Variants in GDA observed in about 807,000 individuals in gnomAD.
GDA encodes the protein guanine deaminase.
GDA carries 18 observed loss-of-function variants against 59.6 expected under a neutral mutation model. The ratio of observed to expected loss-of-function variants is 0.30; its 90% CI spans 0.21 to 0.45. GDA has a LOEUF of 0.45. Among genes scored for constraint, GDA ranks in the 20% least tolerant of loss-of-function variants. The pLI, the probability that GDA is intolerant of heterozygous loss-of-function variation, is 1.00. For missense variants in GDA, 427 were observed against 552.3 expected, an observed-to-expected ratio of 0.77 and a Z score of 2.27; for synonymous variants, 201 against 201.1, an observed-to-expected ratio of 1.00 and a Z score of 0.00.
intron 3 of GDA, among the ~76,000 whole-genome samples, chr9:72,209,399 C>A (rs1044939477): frequency 1.3e-5 from 2 of 152,108 alleles, no homozygotes; most frequent in Non-Finnish European, 2.9e-5. Context: ...TACAACCCTC[C>A]TACTGGCTTC....
intron 1 of GDA, among the ~76,000 whole-genome samples, chr9:72,169,611 A>C (rs1487159161): frequency 1.3e-5 from 2 of 152,326 alleles, no homozygotes; most frequent in South Asian, 2.1e-4. Context: ...TTGTAAATCA[A>C]ACTGTGGACT....
intron 3 of GDA, among the ~76,000 whole-genome samples, chr9:72,210,396 A>G (rs905959584): frequency 1.3e-5 from 2 of 152,220 alleles, no homozygotes; most frequent in African/African-American, 2.4e-5. Flanking sequence ...AAATTTGGAT[A>G]TCCTTAAACA....
At chr9:72,245,043 T>G in intron 11 of GDA, 105 bp from the exon 12 acceptor site, 1 of 988,998 alleles carries the variant, frequency 1.0e-6, no homozygotes, top group South Asian at 1.6e-5. Flanking sequence ...CTAATTTTTT[T>G]TTTTCTCCTA....
intron 3 of GDA, 85 bp from the exon 4 acceptor site, chr9:72,210,602 A>T (rs1835230987): frequency 1.3e-6 from 1 of 756,428 alleles, no homozygotes; most frequent in East Asian, 2.6e-5. Flanking sequence ...TTTAAAATTA[A>T]AAACTAAAAT....
At chr9:72,203,351 G>A (rs1405262938) in intron 3 of GDA, among the ~76,000 whole-genome samples, 2 of 152,174 alleles carry the variant, frequency 1.3e-5, no homozygotes, top group Non-Finnish European at 2.9e-5. Context: ...AGGAAAATAG[G>A]ATGGTCCCAT....
rs1840614824 is a variant in GDA at position 72,250,898 on chromosome 9, A to G, written c.*2556A>G. 2.1e-6 allele frequency: 3 copies of G among 1,444,872 alleles called. No individual in the cohort carries two copies. In the African/African-American group the frequency reaches 4.2e-5, roughly 20 times the overall value. 89.5% of individuals were successfully genotyped at this position (1,444,872 alleles called of 1,614,324 possible). A position where few individuals can be genotyped will look rare whatever the true frequency, so the allele number is the denominator to read the frequency against. On this transcript the variant is annotated 3_prime_UTR_variant, in exon 14 of 14. Coordinates refer to ENST00000358399, the MANE Select transcript of GDA (RefSeq NM_004293.5). ...AAATTCACAAAATATTTTTGCAACC[A>G]GAACACAAAAGCAGGCTAGTCAGCT...
At chr9:72,176,935 A>G (rs1056914429) in intron 1 of GDA, among the ~76,000 whole-genome samples, 1 of 152,062 alleles carries the variant, frequency 6.6e-6, no homozygotes, top group Non-Finnish European at 1.5e-5. Context: ...AAAACACACT[A>G]CTAATTCTGT....
At chr9:72,218,600 G>T (rs1836452080) in intron 5 of GDA, among the ~76,000 whole-genome samples, 1 of 152,162 alleles carries the variant, frequency 6.6e-6, no homozygotes, top group African/African-American at 2.4e-5. Flanking sequence ...CATCCCTGCA[G>T]GCATAAACTG....
chr9:72,245,250 A>G lies in GDA; in HGVS notation c.1238A>G (p.Tyr413Cys). The stretch of plus-strand genomic sequence containing the variant: ...TCCGACTCTCCCATTGACCTGTTTT[A>G]TGGGGACTTTTTTGGTGATATTTCT... Reference protein sequence around the residue: ...KASDSPIDLFYGDFFGDISEA... With the variant: ...KASDSPIDLFCGDFFGDISEA... Residue 413 changes from tyrosine to cysteine, a missense_variant, in exon 12 of 14, where the codon TAT becomes TGT. Transcript: ENST00000358399. The G allele has an allele frequency of 1.9e-6, 3 of 1,611,734 alleles. No individual in the cohort carries two copies. Among genetic ancestry groups the G allele is most frequent in the Non-Finnish European group, 1.7e-6 (2 of 1,177,886 alleles).
At chr9:72,236,818 C>T (rs1198125284) in intron 10 of GDA, among the ~76,000 whole-genome samples, 1 of 139,100 alleles carries the variant, frequency 7.2e-6, no homozygotes, top group Non-Finnish European at 1.5e-5. Context: ...ATCATTCTGT[C>T]TCCCAAGCTG....
At chr9:72,225,888 T>G in intron 8 of GDA, 104 bp downstream of exon 8, 1 of 581,574 alleles carries the variant, frequency 1.7e-6, no homozygotes. Context: ...ATACATTTCT[T>G]TAAAAATTTT....
chr9:72,227,341 A>ATGT (rs1385086748), intron 8 of GDA, among the ~76,000 whole-genome samples: 2 of 152,236 alleles, frequency 1.3e-5, no homozygotes, highest in African/African-American at 4.8e-5. Context: ...TGATTATAAG[A>ATGT]TGTTAAATTT....
chr9:72,204,015 C>T (rs1232509601), intron 3 of GDA, among the ~76,000 whole-genome samples: 1 of 152,082 alleles, frequency 6.6e-6, no homozygotes, highest in African/African-American at 2.4e-5. Flanking sequence ...CGGGGTTTCA[C>T]CATATTGCTC....
chr9:72,169,051 C>T (rs887305656), intron 1 of GDA, among the ~76,000 whole-genome samples: 1 of 152,258 alleles, frequency 6.6e-6, no homozygotes, highest in Non-Finnish European at 1.5e-5. Flanking sequence ...CTTGCCACGG[C>T]AAACTCCTAA....
At chr9:72,133,718 C>T (rs1020139564) in intron 1 of GDA, among the ~76,000 whole-genome samples, 7 of 152,302 alleles carry the variant, frequency 4.6e-5, no homozygotes, top group African/African-American at 1.4e-4. Context: ...AAACTGGCTT[C>T]TTAGAAATAT....
intron 11 of GDA, among the ~76,000 whole-genome samples, chr9:72,244,320 C>T (rs1041394913): frequency 1.3e-5 from 2 of 152,126 alleles, no homozygotes; most frequent in African/African-American, 4.8e-5. Context: ...CCTCTGTTGG[C>T]GAAGAAAGCC....
chr9:72,122,346 A>T (rs1825689720), intron 1 of GDA, among the ~76,000 whole-genome samples: 1 of 152,084 alleles, frequency 6.6e-6, no homozygotes, highest in African/African-American at 2.4e-5. Context: ...ATCTCTTTGA[A>T]CCTTCCTTTC....
chr9:72,119,534 C>G (rs910389875), intron 1 of GDA, among the ~76,000 whole-genome samples: 1 of 152,036 alleles, frequency 6.6e-6, no homozygotes, highest in Non-Finnish European at 1.5e-5. Flanking sequence ...TTGCTAAATA[C>G]ATGGATATGT....
chr9:72,117,559 T>G (rs1825498878), intron 1 of GDA, among the ~76,000 whole-genome samples: 1 of 152,198 alleles, frequency 6.6e-6, no homozygotes, highest in South Asian at 2.1e-4. Context: ...TGGTTCTAGA[T>G]ATCACAAGGA....
Sources: allele counts gnomAD v4.1 joint callset (sites outside exome capture counted in the v4.1 genomes callset), GRCh38; gene constraint gnomAD v4.1.1; transcripts MANE v1.5; gene names NCBI Gene and HGNC (gene_info 2026-07-23, HGNC 2026-07-21).